CLMP: variants seen among roughly 807,000 people sequenced by gnomAD.
The protein encoded by CLMP is CXADR like cell adhesion molecule, also known as CXADR-like membrane protein.
Under a neutral mutation model 45.2 loss-of-function variants are expected in CLMP, and 27 were observed. The observed-to-expected ratio is 0.60, with a 90% CI of 0.44 to 0.82. The LOEUF (loss-of-function observed/expected upper bound fraction) is 0.82. Ranked by LOEUF, CLMP falls within the 40% of genes least tolerant of loss-of-function variation. The pLI is 0.00. For missense variants in CLMP, 403 were observed against 448.4 expected, an observed-to-expected ratio of 0.90 and a Z score of 0.91; for synonymous variants, 167 against 171.4, an observed-to-expected ratio of 0.97 and a Z score of 0.20.
Position 123,115,734 on chromosome 11 carries a change from C to T in CLMP, c.29-17782G>A, listed in dbSNP as rs551291073. ...TTGTTACTTGGGTGTGACCATTTCA[C>T]GAAATTTGTTGAGCTCTTTATGATG... On this transcript the variant is annotated intron_variant, in intron 1 of 6. Coordinates refer to ENST00000448775, the MANE Select transcript of CLMP (RefSeq NM_024769.5). Among the ~76,000 whole-genome samples, 326 of 152,186 alleles carry T rather than the reference C, an allele frequency of 2.1e-3. 1 individual carries two copies. The highest frequency in any genetic ancestry group is 7.5e-3 in the African/African-American group (313 of 41,526).
In CLMP at chr11:123,100,395, A is replaced by C. The variant is rs545102371; in HGVS notation, c.29-2443T>G. Among the ~76,000 whole-genome samples, 114 of 152,166 alleles carry C rather than the reference A, an allele frequency of 7.5e-4. 1 individual carries two copies. In the South Asian group the frequency reaches 7.7e-3, roughly 10 times the overall value. On this transcript the variant is annotated intron_variant, in intron 1 of 6. Coordinates refer to ENST00000448775, the MANE Select transcript of CLMP (RefSeq NM_024769.5). The stretch of plus-strand genomic sequence containing the variant: ...GACTCCCTCTCAGAAAAAAAAAAAA[A>C]AACCAAAGATTGTTTTCAAGCTTGC...
chr11:123,080,189 T>C (rs1260691872), intron 5 of CLMP, among the ~76,000 whole-genome samples: 5 of 152,216 alleles, frequency 3.3e-5, no homozygotes, highest in Admixed American at 3.3e-4. Flanking sequence ...ATCTGAGATC[T>C]AAGAGATCTA....
At chr11:123,118,993 CTT>C (rs1450786671) in intron 1 of CLMP, among the ~76,000 whole-genome samples, 57 of 41,070 alleles carry the variant, frequency 1.4e-3, no homozygotes, top group South Asian at 2.1e-3. Flanking sequence ...TTCTTTCTTT[CTT>C]TCTTTCTCTC....
chr11:123,192,156 G>T (rs1047466476), intron 1 of CLMP, among the ~76,000 whole-genome samples: 1 of 152,272 alleles, frequency 6.6e-6, no homozygotes, highest in Non-Finnish European at 1.5e-5. Context: ...TGTTTTGGGC[G>T]CATGAAGTAA....
rs535425842 is a variant in CLMP, at chr11:123,115,165, C to CA, written c.29-17214_29-17213insT. ...CAAGCGATCCTCCTGCCTCAGCCTC[C>CA]TGAGCATCTGGAACTACAAGTGTGC... On this transcript the variant is annotated intron_variant, in intron 1 of 6. Coordinates refer to ENST00000448775, the MANE Select transcript of CLMP (RefSeq NM_024769.5). Among the ~76,000 whole-genome samples, 8 of 152,248 alleles carry CA rather than the reference C, an allele frequency of 5.3e-5. No individual in the cohort carries two copies. The South Asian group carries it at 1.7e-3, about 32-fold the overall frequency.
At chr11:123,125,342 T>C (rs7126295) in intron 1 of CLMP, among the ~76,000 whole-genome samples, 68,747 of 151,884 alleles carry the variant, frequency 0.45, 16,597 homozygotes, top group African/African-American at 0.63. Context: ...CCCTACTTAA[T>C]CTTGAGTGGC....
At chr11:123,125,362 G>A (rs1860873368) in intron 1 of CLMP, among the ~76,000 whole-genome samples, 1 of 151,978 alleles carries the variant, frequency 6.6e-6, no homozygotes, top group Non-Finnish European at 1.5e-5. Flanking sequence ...CCTTACCACT[G>A]CCTACAAGAT....
intron 1 of CLMP, among the ~76,000 whole-genome samples, chr11:123,151,867 G>C (rs1228201222): frequency 2.0e-5 from 3 of 152,078 alleles, no homozygotes; most frequent in Non-Finnish European, 4.4e-5. Context: ...TTCCTCTAAG[G>C]CATTTTTCTA....
intron 1 of CLMP, among the ~76,000 whole-genome samples, chr11:123,155,405 A>G (rs932630742): frequency 6.6e-6 from 1 of 152,218 alleles, no homozygotes; most frequent in Non-Finnish European, 1.5e-5. Flanking sequence ...AGGTGGTGAG[A>G]GACTAGGGAA....
chr11:123,117,413 T>G lies in CLMP; in HGVS notation c.29-19461A>C, dbSNP rs181042285. Among the ~76,000 whole-genome samples the G allele has an allele frequency of 7.9e-5, 12 of 151,914 alleles. No homozygotes were observed. In the South Asian group the frequency reaches 1.2e-3, roughly 16 times the overall value. On this transcript the variant is annotated intron_variant, in intron 1 of 6. Transcript: ENST00000448775. ...GAGACCTTTTATCTTTTTTAAAAAA[T>G]TTTTTATTTTTTATTTTTTATTATT...
intron 1 of CLMP, among the ~76,000 whole-genome samples, chr11:123,122,547 C>T (rs961406933): frequency 6.6e-6 from 1 of 152,132 alleles, no homozygotes; most frequent in Non-Finnish European, 1.5e-5. Context: ...CACACTCCTA[C>T]TGGAAAGCTT....
intron 1 of CLMP, among the ~76,000 whole-genome samples, chr11:123,141,773 G>T (rs564163618): frequency 1.4e-4 from 21 of 152,142 alleles, no homozygotes; most frequent in African/African-American, 4.6e-4. Flanking sequence ...TTTTAATAAT[G>T]TTTATGAAGT....
At chr11:123,078,837 C>G (rs7115329) in intron 5 of CLMP, among the ~76,000 whole-genome samples, 16,202 of 151,864 alleles carry the variant, frequency 0.11, 1,428 homozygotes, top group African/African-American at 0.23. Flanking sequence ...GTAGAGATGG[C>G]GTTTCACCAT....
intron 1 of CLMP, among the ~76,000 whole-genome samples, chr11:123,179,405 A>C (rs1007316709): frequency 6.6e-6 from 1 of 152,246 alleles, no homozygotes; most frequent in African/African-American, 2.4e-5. Flanking sequence ...CTTGTGTCAG[A>C]AAGAAAGGAA....
At chr11:123,170,328 T>C (rs559925409) in intron 1 of CLMP, among the ~76,000 whole-genome samples, 2 of 152,258 alleles carry the variant, frequency 1.3e-5, no homozygotes, top group South Asian at 4.1e-4. Flanking sequence ...CCCAGGCCTC[T>C]TAGGTAGTAA....
intron 1 of CLMP, among the ~76,000 whole-genome samples, chr11:123,188,142 G>GC (rs1861856923): frequency 6.6e-6 from 1 of 152,190 alleles, no homozygotes; most frequent in African/African-American, 2.4e-5. Flanking sequence ...TAGAAAGGGT[G>GC]CCTTTTGTAC....
rs375458344 is a variant in CLMP, at chr11:123,194,904, G to A, written c.28+9C>T. ...CCATCCAAACTCCCGCCCTCCCAGAGGCACTCACCTAGCAAGAGGAGAAGG... is the reference window on the plus strand; with the variant it reads ...CCATCCAAACTCCCGCCCTCCCAGAAGCACTCACCTAGCAAGAGGAGAAGG... On this transcript the variant is annotated intron_variant, in intron 1 of 6. Transcript: ENST00000448775. 23 of 1,613,410 alleles carry A rather than the reference G, an allele frequency of 1.4e-5. No homozygotes were observed. Among genetic ancestry groups the A allele is most frequent in the Non-Finnish European group, 1.9e-5 (22 of 1,179,670 alleles).
Position 123,126,446 on chromosome 11 carries a change from C to T in CLMP, c.29-28494G>A, listed in dbSNP as rs75474776. On this transcript the variant is annotated intron_variant, in intron 1 of 6. Coordinates refer to ENST00000448775, the MANE Select transcript of CLMP (RefSeq NM_024769.5). Reference sequence around the variant, plus strand: ...TTACCAGTCCTATTTTTTGTAGAGACGGGAGTCTCAGTGTGTTGCTCAGGC... The same window carrying T: ...TTACCAGTCCTATTTTTTGTAGAGATGGGAGTCTCAGTGTGTTGCTCAGGC... 9.2e-3 allele frequency among the ~76,000 whole-genome samples: 1,400 copies of T among 152,094 alleles called. 10 individuals are homozygous for T. Among genetic ancestry groups the T allele is most frequent in the African/African-American group, 0.018 (729 of 41,480 alleles).
At chr11:123,131,380 A>G (rs1200249136) in intron 1 of CLMP, among the ~76,000 whole-genome samples, 1 of 152,178 alleles carries the variant, frequency 6.6e-6, no homozygotes, top group Non-Finnish European at 1.5e-5. Flanking sequence ...TGACAAAGAA[A>G]TATTTTGACT....
Sources: allele counts gnomAD v4.1 joint callset (sites outside exome capture counted in the v4.1 genomes callset), GRCh38; gene constraint gnomAD v4.1.1; transcripts MANE v1.5; gene names NCBI Gene and HGNC (gene_info 2026-07-23, HGNC 2026-07-21).